The following SFTPB variants were observed in gnomAD, a reference collection of about 807,000 sequenced individuals.
The protein encoded by SFTPB is pulmonary surfactant-associated protein B.
Under a neutral mutation model 51.0 loss-of-function variants are expected in SFTPB, and 32 were observed. The ratio of observed to expected loss-of-function variants is 0.63; its 90% CI spans 0.47 to 0.84. The LOEUF is 0.84. Among genes scored for constraint, SFTPB ranks in the 40% least tolerant of loss-of-function variants. The pLI is 0.00. For missense variants in SFTPB, 431 were observed against 491.2 expected (o/e 0.88, Z 1.16); for synonymous variants, 211 against 208.5 (o/e 1.01, Z -0.10).
intron 3 of SFTPB, 31 bp from the exon 4 acceptor site, chr2:85,666,773 CCT>C: frequency 1.2e-6 from 2 of 1,613,298 alleles, no homozygotes; most frequent in Non-Finnish European, 1.7e-6. Context: ...GTCAGCTGGG[CCT>C]CTCTGAGGTC....
chr2:85,666,446 TCCGGCTGGCTGGG>T, intron 4 of SFTPB, 158 bp downstream of exon 4: 5 of 583,970 alleles, frequency 8.6e-6, no homozygotes, highest in Admixed American at 2.3e-5. Flanking sequence ...TGTGTGTGTG[TCCGGCTGGCTGGG>T]GTGCTGTGTG....
At position 85,663,671 on chromosome 2, in the gene SFTPB, A is replaced by G. The variant is rs1202979020; in HGVS notation, c.849T>C (p.Ala283=). ...AGTGGGCAGTGGGCTCACTTGGGCC[A>G]GCGCTGTCATCCATGGAGCACCGGA... ...LVLRCSMDDS[A]GPRSPTGEWL... Residue 283 remains alanine, a synonymous_variant, in exon 7 of 11, where the codon GCT becomes GCC. Coordinates refer to ENST00000519937, the MANE Select transcript of SFTPB (RefSeq NM_000542.5). The G allele has an allele frequency of 6.2e-7, 1 of 1,611,582 alleles. No homozygotes were observed. The highest frequency in any genetic ancestry group is 8.5e-7 in the Non-Finnish European group (1 of 1,179,176).
chr2:85,662,280 C>G, intron 8 of SFTPB, 171 bp from the exon 9 acceptor site: 1 of 1,464,848 alleles, frequency 6.8e-7, no homozygotes, highest in Non-Finnish European at 9.1e-7. Flanking sequence ...CTGGAGCCAG[C>G]TGAAATGGAG....
In SFTPB at chr2:85,666,693, T is replaced by C. The variant is rs1677663668; in HGVS notation, c.317A>G (p.Lys106Arg). Residue 106 changes from lysine to arginine, a missense_variant, in exon 4 of 11, where the codon AAG (lysine) becomes AGG (arginine). Physicochemically the swap from Lys to Arg is conservative, Grantham distance 26 (BLOSUM62 2). Coordinates refer to ENST00000519937, the MANE Select transcript of SFTPB (RefSeq NM_000542.5). ...TTGGTTGCACTGGGGCATGAGCAGC[T>C]TCAAGGGGAGGACGTTGCACTCCTG... is the stretch of plus-strand genomic sequence containing the variant. ...LEQECNVLPLKLLMPQCNQVL... is the reference protein window; with the variant it reads ...LEQECNVLPLRLLMPQCNQVL... The C allele has an allele frequency of 6.2e-7, 1 of 1,613,826 alleles. No homozygotes were observed. The highest frequency in any genetic ancestry group is 8.5e-7 in the Non-Finnish European group (1 of 1,179,862).
intron 8 of SFTPB, 153 bp from the exon 9 acceptor site, chr2:85,662,262 T>C: frequency 1.3e-6 from 2 of 1,487,374 alleles, no homozygotes; most frequent in South Asian, 2.6e-5. Flanking sequence ...GTTGAAACCC[T>C]TAACAAACTG....
At chr2:85,660,081 G>T (rs1677209374) in intron 10 of SFTPB, among the ~76,000 whole-genome samples, 1 of 151,716 alleles carries the variant, frequency 6.6e-6, no homozygotes, top group African/African-American at 2.4e-5. Flanking sequence ...CTCAGCCATA[G>T]CCCCTACCCT....
At chr2:85,663,602 A>G in intron 7 of SFTPB, 62 bp downstream of exon 7, 1 of 1,593,170 alleles carries the variant, frequency 6.3e-7, no homozygotes, top group Non-Finnish European at 8.6e-7. Flanking sequence ...AGGGTCATGC[A>G]GTGGCAGGGT....
rs1167149424 is a variant in SFTPB at position 85,658,098 on chromosome 2, G to C, written c.*1604C>G. On this transcript the variant is annotated 3_prime_UTR_variant, in exon 11 of 11. Transcript: ENST00000519937. ...CTTCAGGCCATCTGGGTGTATACGT[G>C]CAGGGCACAGGGGATATGATGGCTT... The C allele has an allele frequency of 6.6e-6, 1 of 152,582 alleles. No homozygotes were observed. The highest frequency in any genetic ancestry group is 1.9e-4 in the East Asian group (1 of 5,220). 9.5% of individuals were successfully genotyped at this position (152,582 alleles called of 1,614,324 possible).
At chr2:85,663,021 C>G (rs1677387512) in intron 8 of SFTPB, among the ~76,000 whole-genome samples, 1 of 152,072 alleles carries the variant, frequency 6.6e-6, no homozygotes, top group Non-Finnish European at 1.5e-5. Flanking sequence ...AGGCTAGTCC[C>G]TTTCCTGGCT....
At position 85,663,647 on chromosome 2, in the gene SFTPB, GT is replaced by G. The variant is rs786205634; in HGVS notation, c.856+16del. ...AGGAGAGCAGGCATTGGGCTAAGGA[GT>G]GGGCAGTGGGCTCACTTGGGCCAGC... On this transcript the variant is annotated intron_variant, in intron 7 of 10. Coordinates refer to ENST00000519937, the MANE Select transcript of SFTPB (RefSeq NM_000542.5). 6.2e-7 allele frequency: 1 copy of G among 1,607,036 alleles called. No individual in the cohort carries two copies.
chr2:85,663,567 C>G, intron 7 of SFTPB, 76 bp from the exon 8 acceptor site: 2 of 1,597,900 alleles, frequency 1.3e-6, no homozygotes, highest in Non-Finnish European at 1.7e-6. Context: ...CTCCTTGGTG[C>G]ATTGCAGTGG....
intron 10 of SFTPB, among the ~76,000 whole-genome samples, chr2:85,660,770 T>A (rs1677255598): frequency 6.6e-6 from 1 of 152,166 alleles, no homozygotes; most frequent in South Asian, 2.1e-4. Flanking sequence ...TTTTTTAAAA[T>A]GAGGGAACAA....
Position 85,665,765 on chromosome 2 carries a change from G to A in SFTPB, c.423C>T (p.Gly141=). 1 of 1,614,194 alleles carries A rather than the reference G, an allele frequency of 6.2e-7. No individual in the cohort carries two copies. Among genetic ancestry groups the A allele is most frequent in the Non-Finnish European group, 8.5e-7 (1 of 1,180,026 alleles). Residue 141 remains glycine (G), a synonymous_variant, in exon 5 of 11, where the codon GGC becomes GGT. Coordinates refer to ENST00000519937, the MANE Select transcript of SFTPB (RefSeq NM_000542.5). The part of the protein sequence containing the change: ...TDSNGICMHL[G]LCKSRQPEPE... Reference sequence around the variant, plus strand: ...GCTCTGGCTGCCGGGATTTGCACAGGCCCAGGTGCATACAGATGCCGTTTG... The same window carrying A: ...GCTCTGGCTGCCGGGATTTGCACAGACCCAGGTGCATACAGATGCCGTTTG...
At position 85,659,369 on chromosome 2, in the gene SFTPB, C is replaced by T. The variant is rs1179561248; in HGVS notation, c.*333G>A. The T allele has an allele frequency of 2.6e-5, 4 of 152,236 alleles. No individual in the cohort carries two copies. Among genetic ancestry groups the T allele is most frequent in the African/African-American group, 9.6e-5 (4 of 41,456 alleles). 9.4% of individuals were successfully genotyped at this position (152,236 alleles called of 1,614,324 possible). On this transcript the variant is annotated 3_prime_UTR_variant, in exon 11 of 11. Coordinates refer to ENST00000519937, the MANE Select transcript of SFTPB (RefSeq NM_000542.5). ...AGCAGTGGCTGGTTTTTCCTGAGCC[C>T]AGCCCTGGGAGGTCGTGGTAGGTGT...
In SFTPB at chr2:85,661,669, G is replaced by A. The variant is rs189886757; in HGVS notation, c.1084-134C>T. 288 of 727,216 alleles carry A rather than the reference G, an allele frequency of 4.0e-4. 1 individual carries two copies. In the East Asian group the frequency reaches 7.1e-3, roughly 18 times the overall value. 45.0% of individuals were successfully genotyped at this position (727,216 alleles called of 1,614,324 possible). On this transcript the variant is annotated intron_variant, in intron 9 of 10. Transcript: ENST00000519937. ...ACCAGTGTGACTCTGTAGACCCCTC[G>A]GGCCACTCCCTGAGCCACAGGCCTT...
intron 3 of SFTPB, 48 bp downstream of exon 3, chr2:85,667,058 C>G: frequency 4.0e-6 from 6 of 1,487,234 alleles, no homozygotes; most frequent in Non-Finnish European, 5.6e-6. Context: ...CTGCTCTGTC[C>G]CTCATCTCTT....
rs1040302102 is a variant in SFTPB, at chr2:85,661,538, G to T, written c.1084-3C>A. 1 of 1,610,136 alleles carries T rather than the reference G, an allele frequency of 6.2e-7. No individual in the cohort carries two copies. The highest frequency in any genetic ancestry group is 8.5e-7 in the Non-Finnish European group (1 of 1,178,462). On this transcript the variant is annotated splice_region_variant and splice_polypyrimidine_tract_variant and intron_variant, in intron 9 of 10. Coordinates refer to ENST00000519937, the MANE Select transcript of SFTPB (RefSeq NM_000542.5). ...ATGGTCCCACACACCCCGAGGGCCTGTCACAGGGACAGCACCAGGGCTGAG... is the reference window on the plus strand; with the variant it reads ...ATGGTCCCACACACCCCGAGGGCCTTTCACAGGGACAGCACCAGGGCTGAG...
chr2:85,665,785 C>T lies in SFTPB; in HGVS notation c.403G>A (p.Gly135Ser), dbSNP rs35373464. Residue 135 changes from glycine to serine, a missense_variant, in exon 5 of 11, where the codon GGC becomes AGC. Transcript: ENST00000519937. ...DYFQNQTDSN[G>S]ICMHLGLCKS... ...CACAGGCCCAGGTGCATACAGATGC[C>T]GTTTGAGTCCTGGGGCACAGCACAG... 3,829 of 1,614,148 alleles carry T rather than the reference C, an allele frequency of 2.4e-3. 6 individuals carry two copies. The highest frequency in any genetic ancestry group is 3.4e-3 in the African/African-American group (254 of 75,034).
upstream of SFTPB, chr2:85,668,548 T>A (rs1042408328): frequency 1.5e-5 from 5 of 332,030 alleles, no homozygotes; most frequent in Admixed American, 4.3e-5. Flanking sequence ...TCCCCTCCCA[T>A]CCCCTCCCTG....
Sources: gnomAD v4.1 joint callset for allele counts (sites outside exome capture counted in the v4.1 genomes callset) on GRCh38, gnomAD v4.1.1 for gene constraint, MANE v1.5 for transcripts, NCBI Gene and HGNC (gene_info 2026-07-23, HGNC 2026-07-21) for gene names.